Variants in UNC5D observed in about 807,000 individuals in gnomAD.
UNC5D encodes the protein netrin receptor UNC5D.
Under a neutral mutation model 105.4 loss-of-function variants are expected in UNC5D, and 39 were observed. That is an observed-to-expected ratio of 0.37 (90% CI 0.29 to 0.48). The LOEUF (loss-of-function observed/expected upper bound fraction) is 0.48, where lower values mean the gene tolerates loss of function less well. Among genes scored for constraint, UNC5D ranks in the 20% least tolerant of loss-of-function variants. The pLI, the probability that UNC5D is intolerant of heterozygous loss-of-function variation, is 0.98. For missense variants in UNC5D, 991 were observed against 1,202.4 expected (o/e 0.82, Z 2.60); for synonymous variants, 452 against 450.4 (o/e 1.00, Z -0.04).
chr8:35,736,496 T>C (rs73586705), intron 11 of UNC5D, among the ~76,000 whole-genome samples: 4,337 of 152,298 alleles, frequency 0.028, 218 homozygotes, highest in African/African-American at 0.098. Flanking sequence ...ATGGATGGTT[T>C]CAACAAGCAT....
At chr8:35,498,084 C>CAAAAAAAAAAA (rs58175711) in intron 1 of UNC5D, among the ~76,000 whole-genome samples, 45 of 58,188 alleles carry the variant, frequency 7.7e-4, no homozygotes, top group Non-Finnish European at 1.1e-3. Flanking sequence ...CAAAACAAAA[C>CAAAAAAAAAAA]AAAAAAAAAA....
chr8:35,478,089 C>T (rs1810241622), intron 1 of UNC5D, among the ~76,000 whole-genome samples: 1 of 152,084 alleles, frequency 6.6e-6, no homozygotes, highest in African/African-American at 2.4e-5. Context: ...AATTCTCTTC[C>T]TTCCCATTGT....
At chr8:35,433,189 A>G (rs939070245) in intron 1 of UNC5D, among the ~76,000 whole-genome samples, 3 of 152,180 alleles carry the variant, frequency 2.0e-5, no homozygotes, top group Admixed American at 2.0e-4. Context: ...TAAAAAGAAC[A>G]AGAATCAAAT....
intron 2 of UNC5D, among the ~76,000 whole-genome samples, chr8:35,563,080 G>A (rs911533850): frequency 1.3e-5 from 2 of 151,726 alleles, no homozygotes; most frequent in African/African-American, 2.4e-5. Context: ...AGTTCTTGGT[G>A]CCATTCAGAG....
chr8:35,350,309 T>C (rs1812139937), intron 1 of UNC5D, among the ~76,000 whole-genome samples: 1 of 151,924 alleles, frequency 6.6e-6, no homozygotes, highest in Non-Finnish European at 1.5e-5. Flanking sequence ...CTCAAAAACA[T>C]AATGTTACCT....
chr8:35,459,649 C>T (rs973223799), intron 1 of UNC5D, among the ~76,000 whole-genome samples: 2 of 152,126 alleles, frequency 1.3e-5, no homozygotes, highest in Non-Finnish European at 2.9e-5. Flanking sequence ...GTCACCATCA[C>T]CAATGCATTA....
chr8:35,712,079 T>A (rs1827998784), intron 8 of UNC5D, among the ~76,000 whole-genome samples: 1 of 152,186 alleles, frequency 6.6e-6, no homozygotes, highest in Non-Finnish European at 1.5e-5. Flanking sequence ...GAGACCAGCC[T>A]GGTCAATATG....
At chr8:35,719,187 C>CACAT (rs66855470) in intron 8 of UNC5D, among the ~76,000 whole-genome samples, 10 of 147,444 alleles carry the variant, frequency 6.8e-5, no homozygotes, top group Admixed American at 1.3e-4. Context: ...CACACACACA[C>CACAT]GACTTTCTCC....
intron 3 of UNC5D, among the ~76,000 whole-genome samples, chr8:35,580,962 G>C (rs1206907856): frequency 6.6e-6 from 1 of 152,162 alleles, no homozygotes; most frequent in East Asian, 1.9e-4. Flanking sequence ...GAGGTCAGAA[G>C]AGCTGGGTTC....
intron 1 of UNC5D, among the ~76,000 whole-genome samples, chr8:35,362,066 C>T (rs913849588): frequency 6.6e-6 from 1 of 152,064 alleles, no homozygotes; most frequent in East Asian, 1.9e-4. Context: ...TAGTATTAAT[C>T]TGTAGTATCA....
At chr8:35,538,546 T>C (rs1815040705) in intron 1 of UNC5D, among the ~76,000 whole-genome samples, 1 of 150,330 alleles carries the variant, frequency 6.7e-6, no homozygotes, top group African/African-American at 2.4e-5. Flanking sequence ...TGCTTTGCAG[T>C]GTGTAGGAGG....
At chr8:35,661,497 A>G (rs953124920) in intron 4 of UNC5D, among the ~76,000 whole-genome samples, 1 of 152,160 alleles carries the variant, frequency 6.6e-6, no homozygotes, top group African/African-American at 2.4e-5. Flanking sequence ...GAAATCTACT[A>G]CTTTAACACT....
intron 1 of UNC5D, among the ~76,000 whole-genome samples, chr8:35,418,702 T>A (rs1805687903): frequency 6.6e-6 from 1 of 152,192 alleles, no homozygotes; most frequent in Admixed American, 6.5e-5. Context: ...ACTTCATATC[T>A]CATCAGTAAT....
chr8:35,650,127 CAAA>C (rs976564515), intron 4 of UNC5D, among the ~76,000 whole-genome samples: 3 of 143,826 alleles, frequency 2.1e-5, no homozygotes, highest in African/African-American at 7.9e-5. Context: ...AAAAAACAAA[CAAA>C]AAACAAAAAA....
chr8:35,607,883 T>G (rs947161879), intron 4 of UNC5D, among the ~76,000 whole-genome samples: 1 of 152,064 alleles, frequency 6.6e-6, no homozygotes, highest in African/African-American at 2.4e-5. Context: ...CCTAGCAGTA[T>G]GAAAATGGAT....
intron 8 of UNC5D, among the ~76,000 whole-genome samples, chr8:35,714,079 GA>G (rs571936412): frequency 2.6e-4 from 39 of 152,310 alleles, no homozygotes; most frequent in African/African-American, 8.7e-4. Context: ...GGGTGGAGGG[GA>G]CTGGTCCATG....
chr8:35,378,444 A>G (rs1490188664), intron 1 of UNC5D, among the ~76,000 whole-genome samples: 2 of 152,196 alleles, frequency 1.3e-5, no homozygotes, highest in Non-Finnish European at 2.9e-5. Flanking sequence ...GGGTGCTTCA[A>G]GCATTTTTGC....
intron 1 of UNC5D, among the ~76,000 whole-genome samples, chr8:35,367,428 G>T (rs1219337094): frequency 6.6e-6 from 1 of 152,094 alleles, no homozygotes; most frequent in African/African-American, 2.4e-5. Flanking sequence ...AGGAACCCAG[G>T]TCTTCCCCAG....
intron 4 of UNC5D, among the ~76,000 whole-genome samples, chr8:35,605,680 G>T (rs2130951269): frequency 6.6e-6 from 1 of 152,258 alleles, no homozygotes; most frequent in South Asian, 2.1e-4. Context: ...CTTGAGCTGT[G>T]GTGGGCTCTA....
Sources: allele counts gnomAD v4.1 joint callset (sites outside exome capture counted in the v4.1 genomes callset), GRCh38; gene constraint gnomAD v4.1.1; transcripts MANE v1.5; gene names NCBI Gene and HGNC (gene_info 2026-07-23, HGNC 2026-07-21).